Variants in CTNNA2 observed in about 807,000 individuals in gnomAD.
The protein encoded by CTNNA2 is catenin alpha-2.
A neutral mutation model predicts 101.0 loss-of-function variants in CTNNA2; 42 were observed. That is an observed-to-expected ratio of 0.42 (90% CI 0.32 to 0.54). The LOEUF is 0.54. Ranked by LOEUF, CTNNA2 falls within the 20% of genes least tolerant of loss-of-function variation. The probability of loss-of-function intolerance (pLI) is 0.14; values close to 1 mark genes in which losing one functional copy is unlikely to be tolerated. For synonymous variants in CTNNA2, 450 were observed against 456.4 expected, an observed-to-expected ratio of 0.99 and a Z score of 0.18; for missense variants, 871 against 1,223.1, an observed-to-expected ratio of 0.71 and a Z score of 4.29.
At chr2:79,489,116 C>G (rs182052095) in intron 4 of CTNNA2, among the ~76,000 whole-genome samples, 9 of 152,140 alleles carry the variant, frequency 5.9e-5, no homozygotes, top group Non-Finnish European at 1.2e-4. Flanking sequence ...TGCTGTGTCT[C>G]CTATTGTTCT....
chr2:80,252,035 T>C (rs1671807586), intron 7 of CTNNA2, among the ~76,000 whole-genome samples: 2 of 152,232 alleles, frequency 1.3e-5, no homozygotes, highest in South Asian at 4.1e-4. Flanking sequence ...TAATAAACTT[T>C]TAAAACTTTC....
chr2:79,500,202 GA>G (rs2103802103), intron 4 of CTNNA2, among the ~76,000 whole-genome samples: 1 of 152,206 alleles, frequency 6.6e-6, no homozygotes, highest in East Asian at 1.9e-4. Context: ...AGCCCCTATT[GA>G]AAAATTCCAC....
chr2:79,247,736 C>T (rs1674717226), intron 2 of CTNNA2, among the ~76,000 whole-genome samples: 1 of 152,018 alleles, frequency 6.6e-6, no homozygotes, highest in African/African-American at 2.4e-5. Context: ...GCCAGGTGGG[C>T]CCAAAGGTGA....
intron 7 of CTNNA2, among the ~76,000 whole-genome samples, chr2:79,932,288 T>A (rs1687502609): frequency 6.6e-6 from 1 of 151,872 alleles, no homozygotes; most frequent in Non-Finnish European, 1.5e-5. Flanking sequence ...AGAAGAATGA[T>A]GAGAGGAAAG....
At chr2:79,685,707 G>A (rs1460233451) in intron 2 of CTNNA2, among the ~76,000 whole-genome samples, 1 of 152,168 alleles carries the variant, frequency 6.6e-6, no homozygotes, top group Admixed American at 6.5e-5. Flanking sequence ...GGTAATTGGT[G>A]AAACTGAGGG....
intron 2 of CTNNA2, among the ~76,000 whole-genome samples, chr2:79,742,626 T>A (rs1026337936): frequency 6.6e-6 from 1 of 152,218 alleles, no homozygotes; most frequent in Non-Finnish European, 1.5e-5. Context: ...AAGCAATCTT[T>A]GTGACAAGCT....
At chr2:79,611,899 C>T (rs1426487605) in intron 1 of CTNNA2, among the ~76,000 whole-genome samples, 3 of 152,110 alleles carry the variant, frequency 2.0e-5, no homozygotes, top group Non-Finnish European at 4.4e-5. Context: ...GATCAACCAC[C>T]AGTACGTTGA....
At chr2:80,192,884 TCTA>T (rs1196676718) in intron 7 of CTNNA2, among the ~76,000 whole-genome samples, 1 of 152,234 alleles carries the variant, frequency 6.6e-6, no homozygotes, top group Non-Finnish European at 1.5e-5. Context: ...CAGTCATGCA[TCTA>T]CTCAGTCCCA....
At chr2:80,253,090 C>T (rs1393896425) in intron 7 of CTNNA2, among the ~76,000 whole-genome samples, 3 of 152,016 alleles carry the variant, frequency 2.0e-5, no homozygotes, top group African/African-American at 7.2e-5. Context: ...TTCACATCAC[C>T]ATTATCTTTA....
intron 3 of CTNNA2, among the ~76,000 whole-genome samples, chr2:79,322,590 G>C (rs1045124398): frequency 6.6e-6 from 1 of 152,174 alleles, no homozygotes; most frequent in Admixed American, 6.5e-5. Flanking sequence ...AAAGAGAAAG[G>C]TTAGGTGTGG....
intron 3 of CTNNA2, among the ~76,000 whole-genome samples, chr2:79,782,307 G>A (rs1674507624): frequency 1.3e-5 from 2 of 152,016 alleles, no homozygotes; most frequent in Non-Finnish European, 2.9e-5. Flanking sequence ...CACAGTCTTG[G>A]CTCACTGTAA....
intron 7 of CTNNA2, among the ~76,000 whole-genome samples, chr2:80,064,324 C>T (rs994889820): frequency 2.6e-5 from 4 of 152,200 alleles, no homozygotes; most frequent in African/African-American, 9.7e-5. Flanking sequence ...CGGGAATTTA[C>T]CTCTTTGACA....
chr2:79,591,856 T>G (rs1325475437), intron 1 of CTNNA2, among the ~76,000 whole-genome samples: 3 of 152,056 alleles, frequency 2.0e-5, no homozygotes, highest in African/African-American at 7.2e-5. Flanking sequence ...TGCACCTGAT[T>G]TGTTATTTTG....
At position 80,260,860 on chromosome 2, in the gene CTNNA2, T is replaced by A. The variant is rs534783824; in HGVS notation, c.1057-132351T>A. ...AGCATTTGAGGATGTATTCTTTGAGTTGTACATTTTTTTTTCCACCAAAGC... is the reference window on the plus strand; with the variant it reads ...AGCATTTGAGGATGTATTCTTTGAGATGTACATTTTTTTTTCCACCAAAGC... On this transcript the variant is annotated intron_variant, in intron 7 of 18. Coordinates refer to ENST00000402739, the MANE Select transcript of CTNNA2 (RefSeq NM_001282597.3). Among the ~76,000 whole-genome samples the A allele has an allele frequency of 1.8e-4, 27 of 152,240 alleles. No homozygotes were observed. The South Asian group carries it at 5.4e-3, about 30-fold the overall frequency.
At chr2:79,626,031 T>A (rs1380019067) in intron 1 of CTNNA2, among the ~76,000 whole-genome samples, 2 of 152,122 alleles carry the variant, frequency 1.3e-5, no homozygotes, top group Non-Finnish European at 2.9e-5. Context: ...TGTAGGTGTG[T>A]GTTAGGAGGG....
intron 7 of CTNNA2, among the ~76,000 whole-genome samples, chr2:80,228,442 CA>C (rs1709016527): frequency 6.6e-6 from 1 of 152,144 alleles, no homozygotes; most frequent in Non-Finnish European, 1.5e-5. Flanking sequence ...AATCATCTTC[CA>C]AAAGCCTGAC....
intron 2 of CTNNA2, among the ~76,000 whole-genome samples, chr2:79,230,048 A>C (rs562509106): frequency 6.6e-6 from 1 of 152,360 alleles, no homozygotes; most frequent in South Asian, 2.1e-4. Flanking sequence ...AGAGCATAAA[A>C]GTTTGGAAAA....
chr2:80,061,446 A>T (rs941677784), intron 7 of CTNNA2, among the ~76,000 whole-genome samples: 4 of 152,182 alleles, frequency 2.6e-5, no homozygotes, highest in African/African-American at 9.7e-5. Context: ...ATGAGCAACT[A>T]ACATTATAAG....
Position 80,139,213 on chromosome 2 carries a change from A to G in CTNNA2, c.1056+229416A>G, listed in dbSNP as rs545096900. On this transcript the variant is annotated intron_variant, in intron 7 of 18. Transcript: ENST00000402739. ...GATGTGCCTTTCATTAAATGCAATT[A>G]TCTCCCAGCCAATGCACGCGTCTTG... Among the ~76,000 whole-genome samples the G allele has an allele frequency of 5.3e-5, 8 of 152,180 alleles. No individual in the cohort carries two copies. In the South Asian group the frequency reaches 1.5e-3, roughly 28 times the overall value.
Sources: allele counts gnomAD v4.1 joint callset (sites outside exome capture counted in the v4.1 genomes callset), GRCh38; gene constraint gnomAD v4.1.1; transcripts MANE v1.5; gene names NCBI Gene and HGNC (gene_info 2026-07-23, HGNC 2026-07-21).